Variants in ZFHX3 observed in about 807,000 individuals in gnomAD.
ZFHX3 encodes zinc finger homeobox protein 3.
A neutral mutation model predicts 279.1 loss-of-function variants in ZFHX3; 42 were observed. That is an observed-to-expected ratio of 0.15 (90% confidence interval 0.12 to 0.19). ZFHX3 has a LOEUF of 0.19. Among genes scored for constraint, ZFHX3 ranks in the 10% least tolerant of loss-of-function variants. The probability of loss-of-function intolerance (pLI) is 1.00; values close to 1 mark genes in which losing one functional copy is unlikely to be tolerated. For synonymous variants in ZFHX3, 2,293 were observed against 1,957.8 expected, an observed-to-expected ratio of 1.17 and a Z score of -4.52; for missense variants, 4,981 against 4,754.0, an observed-to-expected ratio of 1.05 and a Z score of -1.40.
chr16:73,647,990 A>G (rs1056261219), intron 2 of ZFHX3, among the ~76,000 whole-genome samples: 2 of 152,234 alleles, frequency 1.3e-5, no homozygotes, highest in Non-Finnish European at 2.9e-5. Context: ...CTGCTTAGAA[A>G]AATGTTAATA....
chr16:73,488,949 C>G (rs1339671867), intron 2 of ZFHX3, among the ~76,000 whole-genome samples: 1 of 152,156 alleles, frequency 6.6e-6, no homozygotes, highest in Non-Finnish European at 1.5e-5. Context: ...TAGTTCCTAT[C>G]TCATATGGCT....
chr16:73,849,489 A>G (rs1487783271), intron 1 of ZFHX3, among the ~76,000 whole-genome samples: 1 of 152,210 alleles, frequency 6.6e-6, no homozygotes, highest in Non-Finnish European at 1.5e-5. Context: ...ACAATTTTAA[A>G]AAAGGATAAC....
chr16:73,791,569 C>A (rs1316569073), intron 1 of ZFHX3, among the ~76,000 whole-genome samples: 1 of 152,104 alleles, frequency 6.6e-6, no homozygotes, highest in Non-Finnish European at 1.5e-5. Flanking sequence ...GGACTACAGG[C>A]GCACACCACC....
chr16:73,162,195 T>C (rs1967253777), intron 5 of ZFHX3, among the ~76,000 whole-genome samples: 1 of 152,224 alleles, frequency 6.6e-6, no homozygotes, highest in South Asian at 2.1e-4. Flanking sequence ...TTCGTCTGTA[T>C]TTACAGCTGT....
At chr16:72,886,375 T>C (rs1169582885) in intron 4 of ZFHX3, among the ~76,000 whole-genome samples, 1 of 150,224 alleles carries the variant, frequency 6.7e-6, no homozygotes, top group Non-Finnish European at 1.5e-5. Flanking sequence ...CCACTGAAGT[T>C]GCTCACACAC....
chr16:73,056,622 T>G (rs1248189175), intron 1 of ZFHX3, among the ~76,000 whole-genome samples: 1 of 152,226 alleles, frequency 6.6e-6, no homozygotes, highest in African/African-American at 2.4e-5. Context: ...TTCCCTATAT[T>G]GTTCCGGAGG....
chr16:73,749,329 C>G (rs1664102555), intron 1 of ZFHX3, among the ~76,000 whole-genome samples: 1 of 149,902 alleles, frequency 6.7e-6, no homozygotes, highest in African/African-American at 2.5e-5. Context: ...AATATCGCAA[C>G]CACCAGCAAC....
At chr16:72,887,943 G>A (rs2038672283) in intron 4 of ZFHX3, among the ~76,000 whole-genome samples, 2 of 152,222 alleles carry the variant, frequency 1.3e-5, no homozygotes, top group African/African-American at 2.4e-5. Context: ...TGAGTCTGTG[G>A]TTGGGGTATG....
chr16:73,252,815 C>T (rs1237844052), intron 5 of ZFHX3, among the ~76,000 whole-genome samples: 1 of 152,156 alleles, frequency 6.6e-6, no homozygotes, highest in Non-Finnish European at 1.5e-5. Flanking sequence ...GACCAACGGG[C>T]AGACTCCAGT....
At chr16:73,561,103 TA>T (rs1168519712) in intron 2 of ZFHX3, among the ~76,000 whole-genome samples, 1 of 152,228 alleles carries the variant, frequency 6.6e-6, no homozygotes, top group Non-Finnish European at 1.5e-5. Context: ...ATTTGTTGAT[TA>T]TCTGAAATAC....
intron 3 of ZFHX3, among the ~76,000 whole-genome samples, chr16:73,398,483 A>G (rs2017177369): frequency 6.6e-6 from 1 of 152,226 alleles, no homozygotes; most frequent in Non-Finnish European, 1.5e-5. Context: ...GCACTGGCTC[A>G]TGATAGCTGT....
At chr16:73,630,124 G>A (rs35701678) in intron 2 of ZFHX3, among the ~76,000 whole-genome samples, 11,956 of 151,994 alleles carry the variant, frequency 0.079, 623 homozygotes, top group Middle Eastern at 0.12. Flanking sequence ...AAATTCCAGA[G>A]GTTTTCTTTA....
At chr16:72,862,004 G>T (rs1339645045) in intron 4 of ZFHX3, among the ~76,000 whole-genome samples, 1 of 152,156 alleles carries the variant, frequency 6.6e-6, no homozygotes, top group Non-Finnish European at 1.5e-5. Context: ...AACAGAGCAG[G>T]ACTCCATCTC....
chr16:73,381,413 T>C (rs1391172275), intron 3 of ZFHX3, among the ~76,000 whole-genome samples: 3 of 152,028 alleles, frequency 2.0e-5, no homozygotes, highest in African/African-American at 4.8e-5. Flanking sequence ...TATAAAGCCA[T>C]AGTAATCAAA....
intron 5 of ZFHX3, among the ~76,000 whole-genome samples, chr16:73,172,945 TTTTC>T (rs71156145): frequency 6.9e-6 from 1 of 145,854 alleles, no homozygotes; most frequent in African/African-American, 2.5e-5. Context: ...TTTTTTTTTT[TTTTC>T]TTTCTTTCTT....
At chr16:72,998,167 A>G (rs1963362027) in intron 1 of ZFHX3, among the ~76,000 whole-genome samples, 1 of 152,150 alleles carries the variant, frequency 6.6e-6, no homozygotes, top group African/African-American at 2.4e-5. Flanking sequence ...TTGGGAGGCC[A>G]AGGCAGGCAG....
chr16:72,849,926 T>A (rs1375507851), intron 4 of ZFHX3, among the ~76,000 whole-genome samples: 2 of 131,306 alleles, frequency 1.5e-5, no homozygotes, highest in South Asian at 2.7e-4. Context: ...TACCCTTCCA[T>A]CTGAAAATCA....
chr16:73,522,554 G>T (rs190961710), intron 2 of ZFHX3, among the ~76,000 whole-genome samples: 3 of 152,218 alleles, frequency 2.0e-5, no homozygotes, highest in Admixed American at 1.3e-4. Flanking sequence ...TGGGAGAGGG[G>T]AACTTAGTTG....
chr16:72,858,512 G>T (rs148938854), intron 4 of ZFHX3, among the ~76,000 whole-genome samples: 1 of 152,120 alleles, frequency 6.6e-6, no homozygotes, highest in Non-Finnish European at 1.5e-5. Flanking sequence ...AGAAGCAAAT[G>T]GATCTGGTGC....
Sources: gnomAD v4.1 joint callset for allele counts (sites outside exome capture counted in the v4.1 genomes callset) on GRCh38, gnomAD v4.1.1 for gene constraint, MANE v1.5 for transcripts, NCBI Gene and HGNC (gene_info 2026-07-23, HGNC 2026-07-21) for gene names.